The following CYGB variants were observed in gnomAD, a reference collection of about 807,000 sequenced individuals.
CYGB encodes histoglobin.
A neutral mutation model predicts 20.7 loss-of-function variants in CYGB; 13 were observed. The observed-to-expected ratio is 0.63, with a 90% CI of 0.41 to 1.00. The LOEUF (loss-of-function observed/expected upper bound fraction) is 1.00, where lower values mean the gene tolerates loss of function less well. Ranked by LOEUF, CYGB falls within the 50% of genes least tolerant of loss-of-function variation. The probability of loss-of-function intolerance (pLI) is 0.00; values close to 1 mark genes in which losing one functional copy is unlikely to be tolerated. For missense variants in CYGB, 218 were observed against 257.2 expected (o/e 0.85, Z 1.04); for synonymous variants, 93 against 107.4 (o/e 0.87, Z 0.83).
At chr17:76,543,978 G>A in intron 1 of CYGB, 1 of 462,790 alleles carries the variant, frequency 2.2e-6, no homozygotes, top group Non-Finnish European at 4.4e-6. Flanking sequence ...TAGCGTGTGG[G>A]AAGGAAAAAG....
At chr17:76,542,941 G>A (rs1000483914) in intron 1 of CYGB, 1 of 541,576 alleles carries the variant, frequency 1.8e-6, no homozygotes, top group Admixed American at 2.2e-5. Context: ...CCAAGGGAGA[G>A]GCGGTGCTCG....
chr17:76,529,938 C>G, intron 3 of CYGB: 1 of 985,268 alleles, frequency 1.0e-6, no homozygotes, highest in Non-Finnish European at 1.2e-6. Context: ...GGAGCCAGCC[C>G]GGGGCCAGTG....
Position 76,528,694 on chromosome 17 carries a change from T to G in CYGB, c.540-83A>C. On this transcript the variant is annotated intron_variant, in intron 3 of 3. Coordinates refer to ENST00000293230, the MANE Select transcript of CYGB (RefSeq NM_134268.5). This position sits in a 1 kb window ranked among gnomAD's most constrained non-coding sequence, Gnocchi z 5.8. Reference sequence around the variant, plus strand: ...GGGGGAAAGGGGGAGGACCTGGGGCTGGCGAGGCTCACTTCCTGCCAAGAG... The same window carrying G: ...GGGGGAAAGGGGGAGGACCTGGGGCGGGCGAGGCTCACTTCCTGCCAAGAG... 1.7e-6 allele frequency: 2 copies of G among 1,202,500 alleles called. No homozygotes were observed. Among genetic ancestry groups the G allele is most frequent in the Non-Finnish European group, 2.1e-6 (2 of 945,966 alleles). The allele number at this position is 1,202,500 out of a possible 1,614,324, so 74.5% of individuals were successfully genotyped here. A position where few individuals can be genotyped will look rare whatever the true frequency, so the allele number is the denominator to read the frequency against.
chr17:76,541,400 T>C (rs2074992112), upstream of CYGB, among the ~76,000 whole-genome samples: 1 of 152,174 alleles, frequency 6.6e-6, no homozygotes. Flanking sequence ...GGAGGGTGTC[T>C]CCACACAGGG....
At chr17:76,540,247 T>TGGTG (rs765956791), upstream of CYGB, 10 of 218,302 alleles carry the variant, frequency 4.6e-5, 3 homozygotes, top group Non-Finnish European at 7.7e-5. This position sits in a 1 kb window ranked among gnomAD's most constrained non-coding sequence, Gnocchi z 5.0. Context: ...GGCTGGCGGT[T>TGGTG]GGTCGGGGGG....
chr17:76,528,582 G>A lies in CYGB; in HGVS notation c.569C>T (p.Pro190Leu), dbSNP rs1167623604. 6 of 1,286,486 alleles carry A rather than the reference G, an allele frequency of 4.7e-6. No homozygotes were observed. Among genetic ancestry groups the A allele is most frequent in the African/African-American group, 3.1e-5 (2 of 65,506 alleles). The allele number at this position is 1,286,486 out of a possible 1,614,324, so 79.7% of individuals were successfully genotyped here. A position where few individuals can be genotyped will look rare whatever the true frequency, so the allele number is the denominator to read the frequency against. ...AGGGGGGTGGAGTTAGGGGTCCTAC[G>A]GCCCCGAAGAGGGCAGTGTGGCCGG... ...TPPATLPSSG[P>L] is the part of the protein sequence containing the mutation. Residue 190 changes from proline (P) to leucine (L), a missense_variant, in exon 4 of 4, where the codon CCG becomes CTG. Pro to Leu is a moderately conservative substitution (Grantham distance 98, BLOSUM62 -3). Transcript: ENST00000293230. This position sits in a 1 kb window ranked among gnomAD's most constrained non-coding sequence, Gnocchi z 5.8.
rs1465962843 is a variant in CYGB at position 76,530,837 on chromosome 17, A to G, written c.539+142T>C. On this transcript the variant is annotated intron_variant, in intron 3 of 3. Coordinates refer to ENST00000293230, the MANE Select transcript of CYGB (RefSeq NM_134268.5). The surrounding 1 kb of genome is among the most constrained non-coding windows in gnomAD (Gnocchi z 6.1). Reference sequence around the variant, plus strand: ...CCTTTCCTATTATGCCTGTTCTTACATGTCAGACCCCAGGGTTGGCCTGCC... The same window carrying G: ...CCTTTCCTATTATGCCTGTTCTTACGTGTCAGACCCCAGGGTTGGCCTGCC... The G allele has an allele frequency of 4.6e-6, 4 of 866,264 alleles. No homozygotes were observed. Among genetic ancestry groups the G allele is most frequent in the Non-Finnish European group, 6.9e-6 (4 of 581,834 alleles). 53.7% of individuals were successfully genotyped at this position (866,264 alleles called of 1,614,324 possible).
Position 76,531,535 on chromosome 17 carries a change from G to T in CYGB, c.300C>A (p.Asp100Glu), listed in dbSNP as rs1325067721. The T allele has an allele frequency of 1.9e-6, 3 of 1,614,046 alleles. No homozygotes were observed. Among genetic ancestry groups the T allele is most frequent in the Admixed American group, 1.7e-5 (1 of 60,010 alleles). Reference protein sequence around the residue: ...NTVVENLHDPDKVSSVLALVG... With the variant: ...NTVVENLHDPEKVSSVLALVG... ...CAAGGGCGAGCACAGAGGACACCTT[G>T]TCGGGGTCATGCAGGTTCTCCACGA... Residue 100 changes from aspartate to glutamate, a missense_variant, in exon 2 of 4, where the codon GAC becomes GAA. This residue lies in a region of CYGB where 152 missense variants were observed against 149.9 expected (regional missense o/e 1.01). Transcript: ENST00000293230. The surrounding 1 kb of genome is among the most constrained non-coding windows in gnomAD (Gnocchi z 7.4).
Position 76,528,688 on chromosome 17 carries a change from T to A in CYGB, c.540-77A>T. The A allele has an allele frequency of 8.2e-7, 1 of 1,217,516 alleles. No individual in the cohort carries two copies. Among genetic ancestry groups the A allele is most frequent in the East Asian group, 3.2e-5 (1 of 31,584 alleles). The allele number at this position is 1,217,516 out of a possible 1,614,324, so 75.4% of individuals were successfully genotyped here. A position where few individuals can be genotyped will look rare whatever the true frequency, so the allele number is the denominator to read the frequency against. On this transcript the variant is annotated intron_variant, in intron 3 of 3. Coordinates refer to ENST00000293230, the MANE Select transcript of CYGB (RefSeq NM_134268.5). The surrounding 1 kb of genome is among the most constrained non-coding windows in gnomAD (Gnocchi z 5.8). ...ACCCTCGGGGGAAAGGGGGAGGACC[T>A]GGGGCTGGCGAGGCTCACTTCCTGC...
upstream of CYGB, chr17:76,540,250 T>TGGGGGGGGGGGGGGGGGTGGGG: frequency 2.2e-6 from 1 of 463,680 alleles, no homozygotes; most frequent in Non-Finnish European, 3.6e-6. This position sits in a 1 kb window ranked among gnomAD's most constrained non-coding sequence, Gnocchi z 5.0. Context: ...TGGCGGTTGG[T>TGGGGGGGGGGGGGGGGGTGGGG]CGGGGGGGGG....
chr17:76,532,536 T>C (rs924286070), intron 1 of CYGB, among the ~76,000 whole-genome samples: 1 of 146,610 alleles, frequency 6.8e-6, no homozygotes, highest in African/African-American at 2.7e-5. Context: ...ATGGCTTTTT[T>C]TTTTTTTTTT....
upstream of CYGB, among the ~76,000 whole-genome samples, chr17:76,541,203 G>A (rs987665402): frequency 4.6e-5 from 7 of 152,272 alleles, no homozygotes; most frequent in African/African-American, 4.8e-5. Context: ...TGATAGGGGC[G>A]CCTATCCCAA....
upstream of CYGB, among the ~76,000 whole-genome samples, chr17:76,541,000 C>CA (rs1451452787): frequency 1.3e-5 from 2 of 152,186 alleles, no homozygotes; most frequent in Non-Finnish European, 1.5e-5. The surrounding 1 kb of genome is among the most constrained non-coding windows in gnomAD (Gnocchi z 5.0). Flanking sequence ...GTCCAGTCCC[C>CA]AATAGAAGGC....
In CYGB at chr17:76,532,696, T is replaced by C. The variant is rs2074861678; in HGVS notation, c.144-1005A>G. Among the ~76,000 whole-genome samples the C allele has an allele frequency of 2.6e-5, 4 of 151,566 alleles. No homozygotes were observed. The South Asian group carries it at 8.4e-4, about 32-fold the overall frequency. On this transcript the variant is annotated intron_variant, in intron 1 of 3. Coordinates refer to ENST00000293230, the MANE Select transcript of CYGB (RefSeq NM_134268.5). ...ACAGGCATCCATCACCACGCCCGGC[T>C]AGCTAATTTTTTGTATTTTTAGTAG...
rs1400041689 is a variant in CYGB at position 76,537,654 on chromosome 17, G to T, written c.-112C>A. 3 of 933,846 alleles carry T rather than the reference G, an allele frequency of 3.2e-6. No individual in the cohort carries two copies. Among genetic ancestry groups the T allele is most frequent in the Non-Finnish European group, 3.8e-6 (3 of 784,818 alleles). 57.8% of individuals were successfully genotyped at this position (933,846 alleles called of 1,614,324 possible). ...CCGGCTGCGTGCGCGGCGGGCGGGC[G>T]AGGGGTAGAGCGCGGAGGGAGGGAG... On this transcript the variant is annotated 5_prime_UTR_variant, in exon 1 of 4. Transcript: ENST00000293230.
At position 76,531,531 on chromosome 17, in the gene CYGB, C is replaced by A. The variant is rs1389357418; in HGVS notation, c.304G>T (p.Val102Leu). 1.2e-6 allele frequency: 2 copies of A among 1,614,146 alleles called. No homozygotes were observed. The highest frequency in any genetic ancestry group is 2.2e-5 in the South Asian group (2 of 91,088). ...CCCACAAGGGCGAGCACAGAGGACA[C>A]CTTGTCGGGGTCATGCAGGTTCTCC... ...VVENLHDPDK[V>L]SSVLALVGKA... Residue 102 changes from valine to leucine, a missense_variant, in exon 2 of 4, where the codon GTG becomes TTG. By Grantham distance (32) the Val-to-Leu change is conservative (BLOSUM62 1). Transcript: ENST00000293230. The surrounding 1 kb of genome is among the most constrained non-coding windows in gnomAD (Gnocchi z 7.4).
upstream of CYGB, chr17:76,537,745 G>A: frequency 4.4e-6 from 1 of 225,120 alleles, no homozygotes; most frequent in Non-Finnish European, 7.4e-6. Flanking sequence ...ATATGTGCGG[G>A]GGGCGGGGGA....
chr17:76,545,752 G>A (rs1295817579), intron 1 of CYGB: 3 of 234,888 alleles, frequency 1.3e-5, no homozygotes, highest in Non-Finnish European at 2.6e-5. Flanking sequence ...AAGATGCTTA[G>A]CATGTTGGGT....
At chr17:76,538,637 C>T, upstream of CYGB, 1 of 359,808 alleles carries the variant, frequency 2.8e-6, no homozygotes, top group Non-Finnish European at 5.8e-6. Flanking sequence ...CTGGGGACAT[C>T]TCAGCCGCCA....
Sources: gnomAD v4.1 joint callset for allele counts (sites outside exome capture counted in the v4.1 genomes callset) on GRCh38, gnomAD v4.1.1 for gene constraint, gnomAD v4.1.1 regional missense constraint, Gnocchi (gnomAD v3.1) non-coding constraint, MANE v1.5 for transcripts, NCBI Gene and HGNC (gene_info 2026-07-23, HGNC 2026-07-21) for gene names.